SMAP1: variants seen among roughly 807,000 people sequenced by gnomAD.
SMAP1 encodes the protein small ArfGAP 1.
A neutral mutation model predicts 58.5 loss-of-function variants in SMAP1; 24 were observed. The ratio of observed to expected loss-of-function variants is 0.41; its 90% CI spans 0.30 to 0.58. The LOEUF is 0.58. Among genes scored for constraint, SMAP1 ranks in the 20% least tolerant of loss-of-function variants. The pLI is 0.29. For missense variants in SMAP1, 563 were observed against 566.3 expected (o/e 0.99, Z 0.06); for synonymous variants, 216 against 196.6 (o/e 1.10, Z -0.82).
intron 4 of SMAP1, among the ~76,000 whole-genome samples, chr6:70,788,115 C>G (rs367582640): frequency 6.6e-6 from 1 of 151,870 alleles, no homozygotes; most frequent in African/African-American, 2.4e-5. Context: ...GAATACTATG[C>G]AGCCATAAAA....
intron 2 of SMAP1, among the ~76,000 whole-genome samples, chr6:70,737,715 T>C (rs745672989): frequency 5.3e-5 from 8 of 152,222 alleles, no homozygotes; most frequent in Non-Finnish European, 8.8e-5. Flanking sequence ...TTTAATGGCA[T>C]GCTGAATCAG....
intron 1 of SMAP1, among the ~76,000 whole-genome samples, chr6:70,712,899 T>G (rs1768116352): frequency 6.6e-6 from 1 of 151,712 alleles, no homozygotes; most frequent in Non-Finnish European, 1.5e-5. Flanking sequence ...GTTCAAGTGA[T>G]TCTTTCCTCA....
chr6:70,755,020 A>G lies in SMAP1; in HGVS notation c.293A>G (p.Tyr98Cys). ...GGAAATACTAAAGCAAGACTACTCT[A>G]TGAAGCCAATCTTCCAGAGAACTTT... Reference protein sequence around the residue: ...DMGNTKARLLYEANLPENFRR... With the variant: ...DMGNTKARLLCEANLPENFRR... Residue 98 changes from tyrosine (Y) to cysteine (C), a missense_variant, in exon 3 of 11, where the codon TAT (tyrosine) becomes TGT (cysteine). Coordinates refer to ENST00000370455, the MANE Select transcript of SMAP1 (RefSeq NM_001044305.3). 6.2e-7 allele frequency: 1 copy of G among 1,610,828 alleles called. No individual in the cohort carries two copies.
intron 1 of SMAP1, among the ~76,000 whole-genome samples, chr6:70,731,044 C>T (rs1390886567): frequency 6.6e-6 from 1 of 152,240 alleles, no homozygotes. Flanking sequence ...AAGTGATCCG[C>T]CTGCCTTGGC....
At chr6:70,691,496 A>G (rs1767165840) in intron 1 of SMAP1, among the ~76,000 whole-genome samples, 1 of 152,148 alleles carries the variant, frequency 6.6e-6, no homozygotes. Flanking sequence ...TGTGTGATAA[A>G]TTATTGTTGA....
At chr6:70,857,713 A>T in intron 9 of SMAP1, 2 of 568,168 alleles carry the variant, frequency 3.5e-6, no homozygotes, top group South Asian at 4.5e-5. Context: ...AATTAAATTT[A>T]CTCAGGTTAA....
intron 3 of SMAP1, chr6:70,759,699 A>T: frequency 3.7e-6 from 1 of 273,020 alleles, no homozygotes; most frequent in Non-Finnish European, 7.6e-6. Flanking sequence ...ATATTGCATT[A>T]TTAGTTCTGT....
At chr6:70,775,067 A>T (rs1767493025) in intron 4 of SMAP1, among the ~76,000 whole-genome samples, 1 of 152,096 alleles carries the variant, frequency 6.6e-6, no homozygotes, top group South Asian at 2.1e-4. Context: ...TAGAGCAAAG[A>T]TATCCTTGTG....
intron 3 of SMAP1, chr6:70,759,841 C>T (rs1331287801): frequency 4.5e-6 from 2 of 446,688 alleles, no homozygotes; most frequent in Admixed American, 2.4e-5. Flanking sequence ...AGATATAATA[C>T]TGGAAACAAC....
intron 3 of SMAP1, among the ~76,000 whole-genome samples, chr6:70,770,328 A>C (rs1030166242): frequency 2.6e-5 from 4 of 152,104 alleles, no homozygotes; most frequent in Non-Finnish European, 5.9e-5. Context: ...CTCCTGGATA[A>C]TATCCTGCAG....
intron 2 of SMAP1, among the ~76,000 whole-genome samples, chr6:70,752,129 A>G (rs531413924): frequency 1.1e-4 from 17 of 152,332 alleles, no homozygotes; most frequent in African/African-American, 2.4e-4. Flanking sequence ...GCATGGTGAT[A>G]TGGATTGGGA....
intron 6 of SMAP1, among the ~76,000 whole-genome samples, chr6:70,817,332 A>G (rs1241555170): frequency 6.6e-6 from 1 of 151,970 alleles, no homozygotes; most frequent in African/African-American, 2.4e-5. Flanking sequence ...CTTTTTTCAT[A>G]GTTGATTTAA....
chr6:70,718,495 T>C (rs1252599015), intron 1 of SMAP1, among the ~76,000 whole-genome samples: 2 of 152,120 alleles, frequency 1.3e-5, no homozygotes, highest in Non-Finnish European at 2.9e-5. Flanking sequence ...CTTGGACATA[T>C]TTAATTGGCA....
chr6:70,764,925 G>A (rs1170661485), intron 3 of SMAP1, among the ~76,000 whole-genome samples: 1 of 152,128 alleles, frequency 6.6e-6, no homozygotes, highest in African/African-American at 2.4e-5. Context: ...TCAGCGTCCT[G>A]AGTATTTGGG....
intron 5 of SMAP1, among the ~76,000 whole-genome samples, chr6:70,797,746 G>A (rs980991685): frequency 6.6e-6 from 1 of 152,086 alleles, no homozygotes; most frequent in Non-Finnish European, 1.5e-5. Flanking sequence ...GGTATTTTGA[G>A]TAAGTTCTGC....
intron 5 of SMAP1, 28 bp from the exon 6 acceptor site, chr6:70,798,629 C>T (rs981861504): frequency 1.4e-6 from 2 of 1,458,498 alleles, no homozygotes; most frequent in South Asian, 1.5e-5. Flanking sequence ...AAAAAGTAAA[C>T]TTATCAAAAC....
intron 6 of SMAP1, among the ~76,000 whole-genome samples, chr6:70,823,778 G>A (rs1443108000): frequency 2.7e-5 from 4 of 150,658 alleles, no homozygotes; most frequent in Non-Finnish European, 5.9e-5. Flanking sequence ...ATTTATTTTG[G>A]ATATTTATAA....
chr6:70,831,376 T>C (rs1770351490), intron 6 of SMAP1, among the ~76,000 whole-genome samples: 1 of 152,188 alleles, frequency 6.6e-6, no homozygotes, highest in Non-Finnish European at 1.5e-5. Flanking sequence ...ATCCAAGTCA[T>C]AAGCATAATA....
chr6:70,784,035 T>G (rs1201285387), intron 4 of SMAP1, among the ~76,000 whole-genome samples: 1 of 152,006 alleles, frequency 6.6e-6, no homozygotes, highest in Non-Finnish European at 1.5e-5. Context: ...GGAAAAAATG[T>G]TAAGGGCAGC....
Sources: allele counts gnomAD v4.1 joint callset (sites outside exome capture counted in the v4.1 genomes callset), GRCh38; gene constraint gnomAD v4.1.1; transcripts MANE v1.5; gene names NCBI Gene and HGNC (gene_info 2026-07-23, HGNC 2026-07-21).